ANKRD24: variants seen among roughly 807,000 people sequenced by gnomAD.
ANKRD24 encodes ankyrin repeat domain 24.
In ANKRD24, 109 loss-of-function variants were observed where a neutral mutation model predicts 127.8. The observed-to-expected ratio is 0.85, with a 90% CI of 0.73 to 1.00. The LOEUF (loss-of-function observed/expected upper bound fraction) is 1.00, where lower values mean the gene tolerates loss of function less well. Ranked by LOEUF, ANKRD24 falls within the 50% of genes least tolerant of loss-of-function variation. ANKRD24 has a pLI of 0.00. For synonymous variants in ANKRD24, 743 were observed against 671.1 expected (o/e 1.11, Z -1.66); for missense variants, 1,648 against 1,570.2 (o/e 1.05, Z -0.84).
chr19:4,205,689 A>G lies in ANKRD24; in HGVS notation c.467-1553A>G, dbSNP rs1359169853. ...ATGGCAAAACCCCATCTCTACTAAA[A>G]ATATAAAAATTAGCCAGGCGTGATG... On this transcript the variant is annotated intron_variant, in intron 7 of 21. Coordinates refer to ENST00000318934, the MANE Select transcript of ANKRD24 (RefSeq NM_001393985.1). Among the ~76,000 whole-genome samples, 7 of 152,240 alleles carry G rather than the reference A, an allele frequency of 4.6e-5. No homozygotes were observed. In the East Asian group the frequency reaches 1.4e-3, roughly 29 times the overall value.
Position 4,212,670 on chromosome 19 carries a change from G to A in ANKRD24, c.1169G>A (p.Ser390Asn). The A allele has an allele frequency of 6.4e-7, 1 of 1,550,872 alleles. No homozygotes were observed. The change falls in exon 15 of 22, where the codon AGT (serine) becomes AAT (asparagine). Residue 390 changes from serine (S) to asparagine (N), a missense_variant. Physicochemically the swap from Ser to Asn is conservative, Grantham distance 46. Coordinates refer to ENST00000318934, the MANE Select transcript of ANKRD24 (RefSeq NM_001393985.1). ...GAGAGCCTGGGACGGGAGGTGGAGA[G>A]TTTGCAGAGCCGGCTGTCCCTGCTG... is the stretch of plus-strand genomic sequence containing the variant. ...EKESLGREVESLQSRLSLLEN... is the reference protein window; with the variant it reads ...EKESLGREVENLQSRLSLLEN...
Position 4,217,767 on chromosome 19 carries a change from G to T in ANKRD24, c.2607G>T (p.Thr869=). Residue 869 remains threonine, a synonymous_variant, in exon 18 of 22, where the codon ACG becomes ACT. Coordinates refer to ENST00000318934, the MANE Select transcript of ANKRD24 (RefSeq NM_001393985.1). The part of the protein sequence containing the change: ...TARATGEQQR[T]AAAELGRARD... Reference sequence around the variant, plus strand: ...GGGCCACGGGGGAGCAGCAGCGCACGGCGGCCGCGGAACTGGGCCGGGCAC... The same window carrying T: ...GGGCCACGGGGGAGCAGCAGCGCACTGCGGCCGCGGAACTGGGCCGGGCAC... 1.5e-6 allele frequency: 2 copies of T among 1,303,410 alleles called. No individual in the cohort carries two copies. The highest frequency in any genetic ancestry group is 4.0e-5 in the South Asian group (2 of 49,986). The allele number at this position is 1,303,410 out of a possible 1,614,324, so 80.7% of individuals were successfully genotyped here. A position where few individuals can be genotyped will look rare whatever the true frequency, so the allele number is the denominator to read the frequency against.
Position 4,198,354 on chromosome 19 carries a change from CCGGG to C in ANKRD24, c.37-1316_37-1313del, listed in dbSNP as rs1362912746. On this transcript the variant is annotated intron_variant, in intron 2 of 21. Transcript: ENST00000318934. This position sits in a 1 kb window ranked among gnomAD's most constrained non-coding sequence, Gnocchi z 6.1. ...GGGGGCGGCACCAGGGAGGGCGGGA[CCGGG>C]CGGGCGGGCGGGGCGGGGAGCTCCG... 5.5e-4 allele frequency: 75 copies of C among 135,912 alleles called. No individual in the cohort carries two copies. The highest frequency in any genetic ancestry group is 9.6e-4 in the South Asian group (5 of 5,196). 8.4% of individuals were successfully genotyped at this position (135,912 alleles called of 1,614,324 possible). A position where few individuals can be genotyped will look rare whatever the true frequency, so the allele number is the denominator to read the frequency against.
Position 4,224,539 on chromosome 19 carries a change from C to A in ANKRD24, c.*34C>A. ...AGGCCCAGTGGCTACACTGACCACA[C>A]CCACGCAGGGACCTCACCCCCCTGC... On this transcript the variant is annotated 3_prime_UTR_variant, in exon 22 of 22. Coordinates refer to ENST00000318934, the MANE Select transcript of ANKRD24 (RefSeq NM_001393985.1). 6.3e-7 allele frequency: 1 copy of A among 1,579,392 alleles called. No homozygotes were observed.
chr19:4,216,823 A>G lies in ANKRD24; in HGVS notation c.1663A>G (p.Lys555Glu), dbSNP rs756061683. ...ELNGSVAPET[K>E]VNGAETIDEE... ...AAATGGCTCAGTGGCTCCAGAAACCAAAGTTAACGGAGCCGAGACCATAGA... is the reference window on the plus strand; with the variant it reads ...AAATGGCTCAGTGGCTCCAGAAACCGAAGTTAACGGAGCCGAGACCATAGA... The change falls in exon 18 of 22, where the codon AAA becomes GAA. Residue 555 changes from lysine (K) to glutamate (E), a missense_variant. Lys to Glu is a moderately conservative substitution (Grantham distance 56, BLOSUM62 1). Coordinates refer to ENST00000318934, the MANE Select transcript of ANKRD24 (RefSeq NM_001393985.1). 20 of 1,608,292 alleles carry G rather than the reference A, an allele frequency of 1.2e-5. No individual in the cohort carries two copies. In the African/African-American group the frequency reaches 2.0e-4, roughly 16 times the overall value.
At chr19:4,197,999 GA>G (rs1238700850) in intron 2 of ANKRD24, 3 of 404,834 alleles carry the variant, frequency 7.4e-6, no homozygotes, top group Non-Finnish European at 8.7e-6. Flanking sequence ...ATGAATGAGT[GA>G]ATGAATGAAA....
chr19:4,185,539 C>T (rs1225651805), intron 1 of ANKRD24, among the ~76,000 whole-genome samples: 1 of 152,170 alleles, frequency 6.6e-6, no homozygotes, highest in Admixed American at 6.5e-5. Flanking sequence ...AAAAAACACA[C>T]CCCCTCAAGA....
chr19:4,192,475 T>A (rs1355141343), intron 2 of ANKRD24, among the ~76,000 whole-genome samples: 1 of 151,132 alleles, frequency 6.6e-6, no homozygotes, highest in Non-Finnish European at 1.5e-5. Flanking sequence ...CCTCCCAAAG[T>A]GCTGGGATTA....
chr19:4,216,731 C>A lies in ANKRD24; in HGVS notation c.1571C>A (p.Ala524Glu). Residue 524 changes from alanine (A) to glutamate (E), a missense_variant, in exon 18 of 22, where the codon GCA (alanine) becomes GAA (glutamate). By Grantham distance (107) the Ala-to-Glu change is moderately radical. Transcript: ENST00000318934. ...CGAGAGGTCCCCAGAGAAGAGGGGG[C>A]AGCCTGTGGGGAGAGTGAGGTTGCT... is the stretch of plus-strand genomic sequence containing the variant. ...ETREVPREEG[A>E]ACGESEVAGA... is the part of the protein sequence containing the mutation. 6.3e-7 allele frequency: 1 copy of A among 1,577,492 alleles called. No individual in the cohort carries two copies. The highest frequency in any genetic ancestry group is 1.2e-5 in the South Asian group (1 of 86,600).
chr19:4,198,179 C>A lies in ANKRD24; in HGVS notation c.37-1504C>A, dbSNP rs539507724. ...CTGCGCTGGTGAGGGAGCCGGGCCC[C>A]CGGCGCCGCGTCCTCCTCATCCTCC... is the stretch of plus-strand genomic sequence containing the variant. On this transcript the variant is annotated intron_variant, in intron 2 of 21. Transcript: ENST00000318934. The surrounding 1 kb of genome is among the most constrained non-coding windows in gnomAD (Gnocchi z 6.1). 1.1e-5 allele frequency: 6 copies of A among 570,464 alleles called. No homozygotes were observed. Among genetic ancestry groups the A allele is most frequent in the Admixed American group, 3.2e-5 (1 of 31,080 alleles). 35.3% of individuals were successfully genotyped at this position (570,464 alleles called of 1,614,324 possible).
At chr19:4,209,510 C>T (rs140425244) in intron 11 of ANKRD24, among the ~76,000 whole-genome samples, 32 of 151,870 alleles carry the variant, frequency 2.1e-4, no homozygotes, top group African/African-American at 7.0e-4. Context: ...AGTGCAATGG[C>T]GTGATCTTGG....
chr19:4,192,558 G>A (rs1599399300), intron 2 of ANKRD24, among the ~76,000 whole-genome samples: 1 of 151,752 alleles, frequency 6.6e-6, no homozygotes, highest in African/African-American at 2.4e-5. Flanking sequence ...ACCTATAGCT[G>A]GTCCTGCATG....
chr19:4,185,122 AGATG>A (rs1325784807), intron 1 of ANKRD24, among the ~76,000 whole-genome samples: 1 of 136,168 alleles, frequency 7.3e-6, no homozygotes, highest in East Asian at 2.8e-4. Flanking sequence ...ATGCTTGGGC[AGATG>A]GATGGATGGG....
chr19:4,222,604 T>G (rs1008279066), intron 19 of ANKRD24, 66 bp from the exon 20 acceptor site: 1 of 1,479,690 alleles, frequency 6.8e-7, no homozygotes, highest in Non-Finnish European at 9.1e-7. Flanking sequence ...TTCCTGCGGC[T>G]GCAGAGAGGT....
intron 5 of ANKRD24, 79 bp downstream of exon 5, chr19:4,200,250 C>T: frequency 7.1e-7 from 1 of 1,409,276 alleles, no homozygotes; most frequent in East Asian, 2.5e-5. Context: ...AGACCCTGCT[C>T]CCAGGTCTCA....
Position 4,218,169 on chromosome 19 carries a change from C to T in ANKRD24, c.3003+6C>T. 3 of 1,464,396 alleles carry T rather than the reference C, an allele frequency of 2.0e-6. No individual in the cohort carries two copies. The highest frequency in any genetic ancestry group is 2.7e-6 in the Non-Finnish European group (3 of 1,105,742). 90.7% of individuals were successfully genotyped at this position (1,464,396 alleles called of 1,614,324 possible). A position where few individuals can be genotyped will look rare whatever the true frequency, so the allele number is the denominator to read the frequency against. On this transcript the variant is annotated splice_donor_region_variant and intron_variant, in intron 18 of 21. Transcript: ENST00000318934. ...CCAGCGCAGAGGTCTTCCAGGTGAG[C>T]AGGGCTGGTCACCACCCGGGCCCCA...
intron 2 of ANKRD24, among the ~76,000 whole-genome samples, chr19:4,191,015 A>G (rs1363159085): frequency 1.3e-5 from 2 of 152,200 alleles, no homozygotes; most frequent in African/African-American, 4.8e-5. Flanking sequence ...GGACAAAGTC[A>G]AAATTGGATG....
At chr19:4,185,292 G>A (rs573615384) in intron 1 of ANKRD24, among the ~76,000 whole-genome samples, 2 of 152,146 alleles carry the variant, frequency 1.3e-5, no homozygotes, top group South Asian at 2.1e-4. Flanking sequence ...ACATGAATTG[G>A]GTGGGTGGGT....
intron 19 of ANKRD24, among the ~76,000 whole-genome samples, chr19:4,222,256 A>C (rs1246478486): frequency 1.3e-5 from 2 of 152,132 alleles, no homozygotes; most frequent in Admixed American, 1.3e-4. Flanking sequence ...AGATGTGGTG[A>C]TGGGCACCTG....
Sources: gnomAD v4.1 joint callset for allele counts (sites outside exome capture counted in the v4.1 genomes callset) on GRCh38, gnomAD v4.1.1 for gene constraint, Gnocchi (gnomAD v3.1) non-coding constraint, MANE v1.5 for transcripts, NCBI Gene and HGNC (gene_info 2026-07-23, HGNC 2026-07-21) for gene names.